The following RYR3 variants were observed in gnomAD, a reference collection of about 807,000 sequenced individuals.
The protein encoded by RYR3 is brain ryanodine receptor-calcium release channel.
A neutral mutation model predicts 584.3 loss-of-function variants in RYR3; 207 were observed. That is an observed-to-expected ratio of 0.35 (90% CI 0.32 to 0.40). The LOEUF (loss-of-function observed/expected upper bound fraction) is 0.40. Ranked by LOEUF, RYR3 falls within the 10% of genes least tolerant of loss-of-function variation. The pLI is 1.00. For synonymous variants in RYR3, 2,416 were observed against 2,248.5 expected (o/e 1.07, Z -2.11); for missense variants, 5,616 against 6,089.2 (o/e 0.92, Z 2.59).
intron 80 of RYR3, 99 bp downstream of exon 80, chr15:33,821,701 C>A: frequency 2.6e-6 from 3 of 1,144,092 alleles, no homozygotes; most frequent in Non-Finnish European, 3.9e-6. Context: ...CAGAGGGGAG[C>A]CACCCAGAAT....
intron 1 of RYR3, chr15:33,467,549 G>C: frequency 1.1e-6 from 1 of 883,016 alleles, no homozygotes; most frequent in South Asian, 5.2e-5. Context: ...CAAGTTCAAA[G>C]TTCTTTGGCC....
At chr15:33,829,155 C>T (rs2077530385) in intron 85 of RYR3, among the ~76,000 whole-genome samples, 1 of 149,524 alleles carries the variant, frequency 6.7e-6, no homozygotes, top group Non-Finnish European at 1.5e-5. Flanking sequence ...CCACTGTTGA[C>T]ACCAACTGCT....
intron 2 of RYR3, among the ~76,000 whole-genome samples, chr15:33,500,166 G>C (rs2051837235): frequency 6.6e-6 from 1 of 152,202 alleles, no homozygotes; most frequent in Admixed American, 6.5e-5. Flanking sequence ...TGGTGAAACA[G>C]ACAAACCTCA....
chr15:33,824,000 A>C (rs546451274), intron 81 of RYR3, among the ~76,000 whole-genome samples: 1 of 152,230 alleles, frequency 6.6e-6, no homozygotes, highest in Non-Finnish European at 1.5e-5. Context: ...ATAATTCTTT[A>C]GTCTCAGCTC....
At chr15:33,799,031 TA>T (rs1420043802) in intron 67 of RYR3, among the ~76,000 whole-genome samples, 1 of 151,992 alleles carries the variant, frequency 6.6e-6, no homozygotes, top group Non-Finnish European at 1.5e-5. Flanking sequence ...TCAGGTTTTT[TA>T]GACCATTTTG....
At chr15:33,798,084 T>TTTTATTTA (rs113043524) in intron 67 of RYR3, among the ~76,000 whole-genome samples, 1 of 110,654 alleles carries the variant, frequency 9.0e-6, no homozygotes, top group South Asian at 2.7e-4. Context: ...TCTGTCTGTC[T>TTTTATTTA]TTTATTTATT....
intron 1 of RYR3, among the ~76,000 whole-genome samples, chr15:33,320,185 A>T (rs2140518037): frequency 6.6e-6 from 1 of 152,358 alleles, no homozygotes; most frequent in South Asian, 2.1e-4. Flanking sequence ...TCAGGCTCAC[A>T]ATACACATCA....
intron 10 of RYR3, among the ~76,000 whole-genome samples, chr15:33,555,889 C>T (rs548601710): frequency 2.0e-5 from 3 of 152,286 alleles, no homozygotes; most frequent in Admixed American, 2.0e-4. Context: ...AAGCTTGAGG[C>T]CAGCTAGACT....
chr15:33,576,608 A>C (rs2058312410), intron 12 of RYR3, among the ~76,000 whole-genome samples: 1 of 152,236 alleles, frequency 6.6e-6, no homozygotes, highest in Non-Finnish European at 1.5e-5. Context: ...TATTGATGGG[A>C]TATACCTCAA....
At chr15:33,855,079 C>A in intron 98 of RYR3, 167 bp downstream of exon 98, 1 of 557,360 alleles carries the variant, frequency 1.8e-6, no homozygotes, top group Non-Finnish European at 2.8e-6. Flanking sequence ...AAAATTGTAG[C>A]CAATTAAAAA....
rs542408690 is a variant in RYR3, at chr15:33,601,650, C to T, written c.1922+98C>T. 2.1e-5 allele frequency: 27 copies of T among 1,312,548 alleles called. No homozygotes were observed. The East Asian group carries it at 6.0e-4, about 29-fold the overall frequency. 81.3% of individuals were successfully genotyped at this position (1,312,548 alleles called of 1,614,324 possible). A position where few individuals can be genotyped will look rare whatever the true frequency, so the allele number is the denominator to read the frequency against. ...CTCATCTGAACTCCAAAGTTGCCCA[C>T]CCATTGTTTCCATGGTGATACAAGT... On this transcript the variant is annotated intron_variant, in intron 17 of 103. Coordinates refer to ENST00000634891, the MANE Select transcript of RYR3 (RefSeq NM_001036.6).
At chr15:33,367,247 A>G (rs1419101960) in intron 1 of RYR3, among the ~76,000 whole-genome samples, 1 of 152,236 alleles carries the variant, frequency 6.6e-6, no homozygotes, top group African/African-American at 2.4e-5. Flanking sequence ...TTCAGAAAGT[A>G]TGAAGAAAAT....
intron 77 of RYR3, 130 bp downstream of exon 77, chr15:33,819,937 C>T: frequency 1.7e-6 from 1 of 591,574 alleles, no homozygotes; most frequent in Non-Finnish European, 2.9e-6. Context: ...AGGCATTGCA[C>T]AATTCATGTG....
chr15:33,826,795 G>GA, intron 84 of RYR3, 43 bp downstream of exon 84: 1 of 1,455,760 alleles, frequency 6.9e-7, no homozygotes, highest in Non-Finnish European at 9.5e-7. Flanking sequence ...ACAGCACTCG[G>GA]GCAAAACTAG....
intron 42 of RYR3, among the ~76,000 whole-genome samples, chr15:33,702,449 C>T (rs541251192): frequency 2.5e-4 from 38 of 152,222 alleles, no homozygotes; most frequent in Middle Eastern, 3.4e-3. Flanking sequence ...GCCAGGGGAC[C>T]GATCTATCAC....
intron 1 of RYR3, among the ~76,000 whole-genome samples, chr15:33,352,717 AT>A (rs1191860653): frequency 6.6e-6 from 1 of 152,230 alleles, no homozygotes; most frequent in African/African-American, 2.4e-5. Flanking sequence ...CTGGGAAAGT[AT>A]TTGATTACTC....
rs557433585 is a variant in RYR3 at position 33,675,039 on chromosome 15, G to A, written c.5860+4483G>A. Among the ~76,000 whole-genome samples, 8 of 152,322 alleles carry A rather than the reference G, an allele frequency of 5.3e-5. 1 individual carries two copies. The highest frequency in any genetic ancestry group is 9.6e-5 in the African/African-American group (4 of 41,578). On this transcript the variant is annotated intron_variant, in intron 38 of 103. Transcript: ENST00000634891. ...GAACCCAGGAGGCGGAGCTTGCAGT[G>A]AGCCGAGATAGTGCCACTGCAGTCC...
At chr15:33,367,578 C>T (rs1975686946) in intron 1 of RYR3, among the ~76,000 whole-genome samples, 1 of 152,200 alleles carries the variant, frequency 6.6e-6, no homozygotes, top group Non-Finnish European at 1.5e-5. Context: ...GAATCCTGCC[C>T]AGGCTTTGGC....
At chr15:33,735,280 A>G (rs1300197203) in intron 48 of RYR3, among the ~76,000 whole-genome samples, 1 of 152,246 alleles carries the variant, frequency 6.6e-6, no homozygotes, top group Non-Finnish European at 1.5e-5. Context: ...AGACAAGGCT[A>G]CTTACTTGCT....
Sources: allele counts gnomAD v4.1 joint callset (sites outside exome capture counted in the v4.1 genomes callset), GRCh38; gene constraint gnomAD v4.1.1; transcripts MANE v1.5; gene names NCBI Gene and HGNC (gene_info 2026-07-23, HGNC 2026-07-21).